SERPINE2: variants seen among roughly 807,000 people sequenced by gnomAD.
SERPINE2 encodes glia-derived nexin.
In SERPINE2, 14 loss-of-function variants were observed where a neutral mutation model predicts 36.3. The observed-to-expected ratio is 0.39, with a 90% CI of 0.25 to 0.60. The LOEUF is 0.60. Ranked by LOEUF, SERPINE2 falls within the 20% of genes least tolerant of loss-of-function variation. SERPINE2 has a pLI of 0.57. For synonymous variants in SERPINE2, 192 were observed against 191.8 expected (o/e 1.00, Z -0.01); for missense variants, 418 against 499.6 (o/e 0.84, Z 1.56).
At chr2:224,031,602 G>A (rs748432083) in intron 1 of SERPINE2, 10 of 613,338 alleles carry the variant, frequency 1.6e-5, no homozygotes, top group Admixed American at 6.3e-5. Context: ...TCACTCCTCT[G>A]CCCACAGCCA....
chr2:223,980,035 G>A (rs1690162106), intron 7 of SERPINE2: 2 of 289,158 alleles, frequency 6.9e-6, no homozygotes, highest in Admixed American at 9.4e-5. Context: ...ACACAAATCT[G>A]AAATACATAC....
intron 1 of SERPINE2, among the ~76,000 whole-genome samples, chr2:224,026,759 C>G (rs1692200049): frequency 6.6e-6 from 1 of 152,148 alleles, no homozygotes; most frequent in African/African-American, 2.4e-5. Flanking sequence ...CAGAAGGGAT[C>G]AGGCCTTAAC....
intron 1 of SERPINE2, among the ~76,000 whole-genome samples, chr2:224,036,909 G>A (rs965944905): frequency 6.6e-6 from 1 of 152,074 alleles, no homozygotes; most frequent in African/African-American, 2.4e-5. Flanking sequence ...AGGAGAGAGA[G>A]GCACTGGGAG....
chr2:223,996,625 G>C (rs1370769285), intron 3 of SERPINE2, among the ~76,000 whole-genome samples: 1 of 152,172 alleles, frequency 6.6e-6, no homozygotes, highest in East Asian at 1.9e-4. Flanking sequence ...GCAGTGGGCT[G>C]GGCTCCAGGG....
At chr2:223,998,491 G>C (rs1690983863) in intron 2 of SERPINE2, 149 bp from the exon 3 acceptor site, 1 of 626,010 alleles carries the variant, frequency 1.6e-6, no homozygotes, top group Admixed American at 2.9e-5. Flanking sequence ...GCTGAGGTGG[G>C]TGGATTGCTT....
intron 1 of SERPINE2, among the ~76,000 whole-genome samples, chr2:224,013,584 A>G (rs1438828): frequency 0.12 from 18,731 of 152,108 alleles, 1,286 homozygotes; most frequent in East Asian, 0.2. Flanking sequence ...TTGTAAGAAT[A>G]ATTTAGATTA....
In SERPINE2 at chr2:224,009,872, G is replaced by A. The variant is rs185188044; in HGVS notation, c.-22-7950C>T. ...GAGGCATTCTAGAAACTCTTCAGGA[G>A]GTGAGCCATGGAGATTAAGGCTGTC... is the stretch of plus-strand genomic sequence containing the variant. On this transcript the variant is annotated intron_variant, in intron 1 of 8. Coordinates refer to ENST00000409304, the MANE Select transcript of SERPINE2 (RefSeq NM_001136528.2). 2.3e-3 allele frequency among the ~76,000 whole-genome samples: 356 copies of A among 152,274 alleles called. 1 individual carries two copies. Among genetic ancestry groups the A allele is most frequent in the Non-Finnish European group, 4.1e-3 (282 of 68,030 alleles).
intron 1 of SERPINE2, among the ~76,000 whole-genome samples, chr2:224,003,869 C>T (rs1691288724): frequency 6.6e-6 from 1 of 152,198 alleles, no homozygotes; most frequent in Non-Finnish European, 1.5e-5. Context: ...GAGAATAAAA[C>T]AGAAGGGGGC....
chr2:223,997,966 A>G lies in SERPINE2; in HGVS notation c.487+149T>C, dbSNP rs1690959070. 5 of 653,114 alleles carry G rather than the reference A, an allele frequency of 7.7e-6. No individual in the cohort carries two copies. In the South Asian group the frequency reaches 9.2e-5, roughly 12 times the overall value. The allele number at this position is 653,114 out of a possible 1,614,324, so 40.5% of individuals were successfully genotyped here. A position where few individuals can be genotyped will look rare whatever the true frequency, so the allele number is the denominator to read the frequency against. On this transcript the variant is annotated intron_variant, in intron 3 of 8. Transcript: ENST00000409304. ...AGCAATGGCAGATTGAAGGGGAAGG[A>G]GGGAGACTGAATAGAGCTTCCTTGG...
chr2:223,985,762 T>C (rs762992505), intron 4 of SERPINE2, among the ~76,000 whole-genome samples: 9 of 152,198 alleles, frequency 5.9e-5, no homozygotes, highest in South Asian at 2.1e-4. Flanking sequence ...ATGCCAAGGA[T>C]TGTCTTCCTC....
At chr2:224,034,093 T>C (rs1329582866) in intron 1 of SERPINE2, among the ~76,000 whole-genome samples, 1 of 152,228 alleles carries the variant, frequency 6.6e-6, no homozygotes, top group Non-Finnish European at 1.5e-5. Context: ...CATCTGTTAA[T>C]TGCCTTTGGG....
chr2:224,019,770 A>ATTTTT (rs1261601893), intron 1 of SERPINE2, among the ~76,000 whole-genome samples: 1,987 of 129,236 alleles, frequency 0.015, 30 homozygotes, highest in Non-Finnish European at 0.02. Flanking sequence ...TTTTTTAAAA[A>ATTTTT]AAAAAAAAGA....
At chr2:224,026,585 C>T (rs562499603) in intron 1 of SERPINE2, among the ~76,000 whole-genome samples, 116 of 152,256 alleles carry the variant, frequency 7.6e-4, no homozygotes, top group African/African-American at 1.1e-3. Context: ...CCCTACTAGA[C>T]GGCAACTCCC....
chr2:223,976,965 G>A (rs1452816606), intron 8 of SERPINE2, among the ~76,000 whole-genome samples: 1 of 152,172 alleles, frequency 6.6e-6, no homozygotes, highest in Non-Finnish European at 1.5e-5. Flanking sequence ...TCTTGTGATA[G>A]TGAGTGAGTT....
rs917244664 is a variant in SERPINE2 at position 224,003,463 on chromosome 2, G to T, written c.-22-1541C>A. 5.3e-5 allele frequency among the ~76,000 whole-genome samples: 8 copies of T among 152,150 alleles called. 1 individual carries two copies. The East Asian group carries it at 5.8e-4, about 11-fold the overall frequency. ...TAAGCACACTGCTTTTAAAATTAAA[G>T]AATTATTAATTAAAATAAACTTAAG... On this transcript the variant is annotated intron_variant, in intron 1 of 8. Transcript: ENST00000409304.
intron 1 of SERPINE2, among the ~76,000 whole-genome samples, chr2:224,012,257 T>C (rs144025632): frequency 5.4e-4 from 82 of 152,272 alleles, no homozygotes; most frequent in Non-Finnish European, 1.0e-3. Flanking sequence ...GGCTCAGGGA[T>C]TGCTTCTGGG....
chr2:223,999,870 A>G (rs924361518), intron 2 of SERPINE2, among the ~76,000 whole-genome samples: 1 of 152,248 alleles, frequency 6.6e-6, no homozygotes, highest in Non-Finnish European at 1.5e-5. Context: ...GTGATCCACC[A>G]TGAAGTTATA....
At chr2:224,022,287 A>G (rs4674851) in intron 1 of SERPINE2, among the ~76,000 whole-genome samples, 138,986 of 147,464 alleles carry the variant, frequency 0.94, 65,858 homozygotes, top group Non-Finnish European at 0.99. Context: ...AGCCCAGATC[A>G]CACCACTGTG....
chr2:224,009,365 CT>C (rs1691543158), intron 1 of SERPINE2, among the ~76,000 whole-genome samples: 1 of 152,174 alleles, frequency 6.6e-6, no homozygotes, highest in African/African-American at 2.4e-5. Context: ...ATCATGACAT[CT>C]CTCAACAGCT....
Sources: allele counts gnomAD v4.1 joint callset (sites outside exome capture counted in the v4.1 genomes callset), GRCh38; gene constraint gnomAD v4.1.1; transcripts MANE v1.5; gene names NCBI Gene and HGNC (gene_info 2026-07-23, HGNC 2026-07-21).